The following MCC variants were observed in gnomAD, a reference collection of about 807,000 sequenced individuals.
MCC encodes colorectal mutant cancer protein.
A neutral mutation model predicts 116.2 loss-of-function variants in MCC; 90 were observed. The observed-to-expected ratio is 0.77, with a 90% CI of 0.65 to 0.92. MCC has a LOEUF of 0.92. MCC is among the 40% of genes least tolerant of loss of function. MCC has a pLI of 0.00. For missense variants in MCC, 1,516 were observed against 1,312.2 expected (o/e 1.16, Z -2.40); for synonymous variants, 578 against 510.5 (o/e 1.13, Z -1.78).
intron 1 of MCC, among the ~76,000 whole-genome samples, chr5:113,421,788 G>A (rs184243164): frequency 1.4e-4 from 21 of 152,268 alleles, no homozygotes; most frequent in Admixed American, 1.1e-3. Flanking sequence ...GCCTTTGTCA[G>A]TTAATTTCTA....
intron 3 of MCC, among the ~76,000 whole-genome samples, chr5:113,225,056 G>A (rs756906858): frequency 3.9e-5 from 6 of 152,174 alleles, no homozygotes; most frequent in Non-Finnish European, 5.9e-5. Context: ...AGAGCCAAGC[G>A]ACTGACATGT....
At chr5:113,075,675 C>G (rs937214627) in intron 11 of MCC, among the ~76,000 whole-genome samples, 2 of 152,260 alleles carry the variant, frequency 1.3e-5, no homozygotes, top group African/African-American at 4.8e-5. Flanking sequence ...ATGGACCAAT[C>G]AGCAGGATGT....
At chr5:113,031,370 G>A (rs1750941684) in intron 17 of MCC, among the ~76,000 whole-genome samples, 1 of 152,084 alleles carries the variant, frequency 6.6e-6, no homozygotes. Flanking sequence ...CCTACCAGCA[G>A]TGAGGATGGT....
At chr5:113,156,069 T>C (rs1156302241) in intron 3 of MCC, among the ~76,000 whole-genome samples, 1 of 152,218 alleles carries the variant, frequency 6.6e-6, no homozygotes, top group Non-Finnish European at 1.5e-5. Context: ...GCTACAAAGC[T>C]GAGACTCTAG....
intron 2 of MCC, among the ~76,000 whole-genome samples, chr5:113,371,153 G>A (rs1768828622): frequency 2.0e-5 from 3 of 152,156 alleles, no homozygotes; most frequent in African/African-American, 7.2e-5. Flanking sequence ...CCTGGTAGGC[G>A]GAGGTTGCAG....
chr5:113,159,444 G>A (rs752903374), intron 3 of MCC, among the ~76,000 whole-genome samples: 44 of 152,178 alleles, frequency 2.9e-4, no homozygotes, highest in African/African-American at 1.0e-3. Flanking sequence ...AGAACATCTA[G>A]TCCAATTCCT....
chr5:113,261,282 T>G (rs1765210184), intron 3 of MCC, among the ~76,000 whole-genome samples: 1 of 152,198 alleles, frequency 6.6e-6, no homozygotes, highest in Non-Finnish European at 1.5e-5. Context: ...TACTGAATAC[T>G]GTATTAGAAG....
At chr5:113,455,365 T>C (rs1370672221) in intron 1 of MCC, among the ~76,000 whole-genome samples, 1 of 152,154 alleles carries the variant, frequency 6.6e-6, no homozygotes, top group Admixed American at 6.5e-5. Flanking sequence ...GCATCTTTTA[T>C]GCTGCACTCC....
chr5:113,408,481 T>G (rs921273273), intron 1 of MCC, among the ~76,000 whole-genome samples: 26 of 152,216 alleles, frequency 1.7e-4, no homozygotes, highest in African/African-American at 6.3e-4. Flanking sequence ...CAGCCCAATC[T>G]TTACCTGACA....
At chr5:113,272,190 T>C (rs1179689948) in intron 3 of MCC, among the ~76,000 whole-genome samples, 1 of 152,046 alleles carries the variant, frequency 6.6e-6, no homozygotes, top group Non-Finnish European at 1.5e-5. Context: ...ACTGTGGGAG[T>C]CCAGGCAAGT....
intron 1 of MCC, among the ~76,000 whole-genome samples, chr5:113,461,679 AC>A (rs1268584465): frequency 2.6e-5 from 4 of 151,792 alleles, no homozygotes; most frequent in Admixed American, 2.0e-4. Flanking sequence ...TCTTAAAAAA[AC>A]TGTTTTAATT....
At chr5:113,029,436 G>A (rs767619450) in intron 17 of MCC, among the ~76,000 whole-genome samples, 3 of 150,816 alleles carry the variant, frequency 2.0e-5, no homozygotes, top group African/African-American at 7.3e-5. Flanking sequence ...TTTTTCAGGT[G>A]TCCTAAGTAT....
intron 3 of MCC, among the ~76,000 whole-genome samples, chr5:113,265,317 A>T (rs921825796): frequency 1.1e-4 from 16 of 152,050 alleles, no homozygotes; most frequent in Non-Finnish European, 2.4e-4. Context: ...TTTTATCCCA[A>T]CCCAACCTGG....
chr5:113,133,968 G>A (rs927005953), intron 5 of MCC, among the ~76,000 whole-genome samples: 2 of 152,120 alleles, frequency 1.3e-5, no homozygotes, highest in African/African-American at 2.4e-5. Flanking sequence ...TTGTGCTACT[G>A]AGTTCCTTAT....
At chr5:113,202,007 T>C (rs1762703100) in intron 3 of MCC, among the ~76,000 whole-genome samples, 1 of 152,166 alleles carries the variant, frequency 6.6e-6, no homozygotes, top group Admixed American at 6.5e-5. Flanking sequence ...TCCCAGTTTT[T>C]ACTGGCTGCC....
At chr5:113,105,004 G>A (rs997440007) in intron 6 of MCC, among the ~76,000 whole-genome samples, 6 of 152,320 alleles carry the variant, frequency 3.9e-5, no homozygotes, top group South Asian at 4.1e-4. Flanking sequence ...GCTTTGAACC[G>A]CTGGACATCC....
At chr5:113,395,729 T>C (rs1164681255) in intron 1 of MCC, among the ~76,000 whole-genome samples, 1 of 152,234 alleles carries the variant, frequency 6.6e-6, no homozygotes, top group Non-Finnish European at 1.5e-5. Context: ...ACTTTTTGGT[T>C]TATATATGCT....
intron 1 of MCC, among the ~76,000 whole-genome samples, chr5:113,418,161 A>G (rs2150405869): frequency 6.6e-6 from 1 of 152,166 alleles, no homozygotes; most frequent in Admixed American, 6.5e-5. Flanking sequence ...GGCTTCAGGT[A>G]TGATCTCAAT....
At chr5:113,256,925 CT>C (rs1765027039) in intron 3 of MCC, among the ~76,000 whole-genome samples, 1 of 152,196 alleles carries the variant, frequency 6.6e-6, no homozygotes, top group East Asian at 1.9e-4. Flanking sequence ...CAGATTAAAA[CT>C]CTCCTTGAGT....
Sources: gnomAD v4.1 joint callset for allele counts (sites outside exome capture counted in the v4.1 genomes callset) on GRCh38, gnomAD v4.1.1 for gene constraint, MANE v1.5 for transcripts, NCBI Gene and HGNC (gene_info 2026-07-23, HGNC 2026-07-21) for gene names.